Variants in DENND5B observed in about 807,000 individuals in gnomAD.
DENND5B encodes DENN domain-containing protein 5B.
DENND5B carries 34 observed loss-of-function variants against 140.6 expected under a neutral mutation model. That is an observed-to-expected ratio of 0.24 (90% CI 0.18 to 0.32). The LOEUF (loss-of-function observed/expected upper bound fraction) is 0.32. Ranked by LOEUF, DENND5B falls within the 10% of genes least tolerant of loss-of-function variation. The probability of loss-of-function intolerance (pLI) is 1.00; values close to 1 mark genes in which losing one functional copy is unlikely to be tolerated. For missense variants in DENND5B, 1,142 were observed against 1,560.2 expected (o/e 0.73, Z 4.52); for synonymous variants, 551 against 562.1 (o/e 0.98, Z 0.28).
intron 2 of DENND5B, among the ~76,000 whole-genome samples, chr12:31,481,685 C>T (rs1338502096): frequency 2.6e-5 from 4 of 151,898 alleles, no homozygotes; most frequent in East Asian, 1.9e-4. Flanking sequence ...GGTGGGAGGA[C>T]GTGAGAGAAA....
chr12:31,430,541 C>T (rs73080572), intron 8 of DENND5B, among the ~76,000 whole-genome samples: 57,439 of 143,764 alleles, frequency 0.4, 11,971 homozygotes, highest in Admixed American at 0.58. Context: ...GGGCGTGGTA[C>T]GTGCCTGTAG....
chr12:31,557,593 G>A (rs1378974024), intron 1 of DENND5B, among the ~76,000 whole-genome samples: 5 of 151,988 alleles, frequency 3.3e-5, no homozygotes, highest in African/African-American at 1.2e-4. Context: ...TGTCACCCAG[G>A]CTGATCTCGA....
At chr12:31,413,092 T>C (rs1348117347) in intron 13 of DENND5B, among the ~76,000 whole-genome samples, 1 of 152,206 alleles carries the variant, frequency 6.6e-6, no homozygotes. Flanking sequence ...TGCTAACTTA[T>C]TTTTTGTAGA....
At chr12:31,466,386 G>A (rs1945268555) in intron 3 of DENND5B, among the ~76,000 whole-genome samples, 1 of 151,240 alleles carries the variant, frequency 6.6e-6, no homozygotes, top group African/African-American at 2.4e-5. Flanking sequence ...ATGGAAGATT[G>A]AGCAAGACAG....
rs1340810431 is a variant in DENND5B at position 31,443,022 on chromosome 12, C to T, written c.1862-97G>A. On this transcript the variant is annotated intron_variant, in intron 6 of 20. Coordinates refer to ENST00000389082, the MANE Select transcript of DENND5B (RefSeq NM_144973.4). ...CATGCACCTACAGAGAACCCAATCA[C>T]TCTGACACTCTGAAACAGATATTGT... The T allele has an allele frequency of 6.4e-6, 7 of 1,098,308 alleles. No individual in the cohort carries two copies. In the East Asian group the frequency reaches 1.8e-4, roughly 29 times the overall value. 68.0% of individuals were successfully genotyped at this position (1,098,308 alleles called of 1,614,324 possible). A position where few individuals can be genotyped will look rare whatever the true frequency, so the allele number is the denominator to read the frequency against.
intron 1 of DENND5B, among the ~76,000 whole-genome samples, chr12:31,545,950 C>CAAAAAAAAAAAAAAAAAAAAAAAAA (rs57460264): frequency 8.2e-5 from 3 of 36,392 alleles, no homozygotes; most frequent in Non-Finnish European, 8.8e-5. Context: ...GACACTGTCT[C>CAAAAAAAAAAAAAAAAAAAAAAAAA]AAAAAAAAAA....
chr12:31,563,547 T>C (rs1215007057), intron 1 of DENND5B, among the ~76,000 whole-genome samples: 1 of 152,220 alleles, frequency 6.6e-6, no homozygotes, highest in African/African-American at 2.4e-5. Context: ...GAACTCAAGT[T>C]ACTATTCAGT....
chr12:31,446,821 C>T (rs935472215), intron 6 of DENND5B, among the ~76,000 whole-genome samples: 8 of 150,230 alleles, frequency 5.3e-5, no homozygotes, highest in South Asian at 4.2e-4. Context: ...CGGGAGGTGG[C>T]GCTTGCAGTG....
chr12:31,575,744 A>G (rs985102081), intron 1 of DENND5B, among the ~76,000 whole-genome samples: 16 of 152,006 alleles, frequency 1.1e-4, no homozygotes, highest in African/African-American at 3.6e-4. Context: ...GCTTGAGTCC[A>G]GGAGTTCGAG....
At chr12:31,485,736 CCT>C (rs55748263) in intron 2 of DENND5B, among the ~76,000 whole-genome samples, 94 of 149,682 alleles carry the variant, frequency 6.3e-4, no homozygotes, top group African/African-American at 9.5e-4. Context: ...GCTTCCATCT[CCT>C]CTCTCTCTCT....
chr12:31,423,624 T>C lies in DENND5B; in HGVS notation c.2443A>G (p.Lys815Glu). Residue 815 changes from lysine (K) to glutamate (E), a missense_variant, in exon 11 of 21, where the codon AAA becomes GAA. Physicochemically the swap from Lys to Glu is moderately conservative, Grantham distance 56. This residue lies in a region of DENND5B where 268 missense variants were observed against 349.2 expected (regional missense o/e 0.77). Coordinates refer to ENST00000389082, the MANE Select transcript of DENND5B (RefSeq NM_144973.4). ...HLIQFQDREE[K>E]QEHLAESPVA... is the part of the protein sequence containing the mutation. ...GGTGATTCTGCAAGGTGCTCTTGTT[T>C]CTCTTCTCTGTCCTGAAATTGAATT... is the stretch of plus-strand genomic sequence containing the variant. 1.2e-6 allele frequency: 2 copies of C among 1,613,958 alleles called. No individual in the cohort carries two copies. The highest frequency in any genetic ancestry group is 1.7e-6 in the Non-Finnish European group (2 of 1,179,872).
intron 1 of DENND5B, among the ~76,000 whole-genome samples, chr12:31,538,971 T>TTG (rs1555170425): frequency 6.9e-6 from 1 of 145,568 alleles, no homozygotes; most frequent in Non-Finnish European, 1.5e-5. Context: ...TTTTTTTTTT[T>TTG]GAAAAAAAAA....
chr12:31,498,245 A>C (rs1422454493), intron 1 of DENND5B, among the ~76,000 whole-genome samples: 1 of 152,188 alleles, frequency 6.6e-6, no homozygotes, highest in Non-Finnish European at 1.5e-5. Context: ...GACATAACCT[A>C]TCATAAAACT....
chr12:31,570,694 A>C (rs1273206762), intron 1 of DENND5B, among the ~76,000 whole-genome samples: 5 of 152,038 alleles, frequency 3.3e-5, no homozygotes, highest in African/African-American at 9.7e-5. Flanking sequence ...AATCATATTC[A>C]TTTTCAGTAA....
intron 2 of DENND5B, 88 bp downstream of exon 2, chr12:31,495,722 G>T: frequency 1.0e-6 from 1 of 992,224 alleles, no homozygotes; most frequent in South Asian, 1.8e-5. Context: ...AATGAAATAA[G>T]GTAGACATTC....
chr12:31,574,056 T>C (rs530821486), intron 1 of DENND5B, among the ~76,000 whole-genome samples: 2 of 151,242 alleles, frequency 1.3e-5, no homozygotes, highest in African/African-American at 4.9e-5. Flanking sequence ...CAAGGACCAT[T>C]TGAGACTAGC....
chr12:31,397,172 T>C (rs1245037655), intron 17 of DENND5B, among the ~76,000 whole-genome samples: 1 of 152,136 alleles, frequency 6.6e-6, no homozygotes, highest in Admixed American at 6.6e-5. Context: ...TAAAATTCAC[T>C]CCTTTATAGT....
At chr12:31,497,727 C>T (rs1946813607) in intron 1 of DENND5B, among the ~76,000 whole-genome samples, 1 of 134,090 alleles carries the variant, frequency 7.5e-6, no homozygotes, top group South Asian at 2.7e-4. Context: ...AGACCAGCAA[C>T]ATAGTGAAAC....
chr12:31,572,422 CT>C (rs1949857800), intron 1 of DENND5B, among the ~76,000 whole-genome samples: 1 of 151,526 alleles, frequency 6.6e-6, no homozygotes, highest in Non-Finnish European at 1.5e-5. Context: ...TAAAAAATGT[CT>C]GAAACAAAGC....
Sources: allele counts gnomAD v4.1 joint callset (sites outside exome capture counted in the v4.1 genomes callset), GRCh38; gene constraint gnomAD v4.1.1; regional missense constraint gnomAD v4.1.1; transcripts MANE v1.5; gene names NCBI Gene and HGNC (gene_info 2026-07-23, HGNC 2026-07-21).